PCDHGA5: variants seen among roughly 807,000 people sequenced by gnomAD.
PCDHGA5 encodes the protein protocadherin gamma subfamily A, 5, also known as protocadherin gamma-A5.
PCDHGA5 carries 36 observed loss-of-function variants against 56.7 expected under a neutral mutation model. That is an observed-to-expected ratio of 0.64 (90% CI 0.49 to 0.84). The LOEUF (loss-of-function observed/expected upper bound fraction) is 0.84. PCDHGA5 is among the 40% of genes least tolerant of loss of function. PCDHGA5 has a pLI of 0.00. For missense variants in PCDHGA5, 1,305 were observed against 1,201.5 expected, an observed-to-expected ratio of 1.09 and a Z score of -1.27; for synonymous variants, 563 against 520.2, an observed-to-expected ratio of 1.08 and a Z score of -1.12.
At chr5:141,418,248 C>G (rs372067603) in intron 1 of PCDHGA5, 1 of 1,614,000 alleles carries the variant, frequency 6.2e-7, no homozygotes, top group Admixed American at 1.7e-5. Context: ...AATGACCACG[C>G]CCCTCAATTC....
At chr5:141,394,693 G>A (rs1310404999) in intron 1 of PCDHGA5, 33 of 1,612,890 alleles carry the variant, frequency 2.0e-5, no homozygotes, top group Non-Finnish European at 2.8e-5. Context: ...GGCGAGGTGC[G>A]CACGGCGCGA....
intron 1 of PCDHGA5, chr5:141,389,470 C>T (rs776427212): frequency 1.2e-6 from 2 of 1,613,240 alleles, no homozygotes; most frequent in East Asian, 2.2e-5. Context: ...TTCGAACTCA[C>T]ACTGCAGGCC....
chr5:141,419,794 T>C (rs368369787), intron 1 of PCDHGA5: 54 of 1,613,930 alleles, frequency 3.3e-5, no homozygotes, highest in Non-Finnish European at 4.5e-5. Flanking sequence ...TGCTAGTCGC[T>C]GTAAGAGATG....
At chr5:141,406,002 A>G (rs1348687108) in intron 1 of PCDHGA5, among the ~76,000 whole-genome samples, 1 of 151,598 alleles carries the variant, frequency 6.6e-6, no homozygotes, top group Non-Finnish European at 1.5e-5. Flanking sequence ...CTCAGCCTGC[A>G]TTGATGTGGG....
intron 1 of PCDHGA5, among the ~76,000 whole-genome samples, chr5:141,464,913 A>T (rs1035542028): frequency 1.3e-4 from 19 of 151,426 alleles, no homozygotes; most frequent in Admixed American, 1.2e-3. Context: ...TAATTTTTTT[A>T]TTTTTTTGTA....
rs114918874 is a variant in PCDHGA5 at position 141,487,585 on chromosome 5, C to T, written c.2422-7222C>T. On this transcript the variant is annotated intron_variant, in intron 1 of 3. Transcript: ENST00000518069. This position sits in a 1 kb window ranked among gnomAD's most constrained non-coding sequence, Gnocchi z 5.0. Reference sequence around the variant, plus strand: ...CAGGGGAGCCTGTTCGCCCAAGCTGCCCACCCTCTGATCTTCTCTATGGGC... The same window carrying T: ...CAGGGGAGCCTGTTCGCCCAAGCTGTCCACCCTCTGATCTTCTCTATGGGC... 7,902 of 1,614,160 alleles carry T rather than the reference C, an allele frequency of 4.9e-3. 42 individuals are homozygous for T. The highest frequency in any genetic ancestry group is 8.8e-3 in the Admixed American group (531 of 60,020).
Position 141,489,826 on chromosome 5 carries a change from C to G in PCDHGA5, c.2422-4981C>G. On this transcript the variant is annotated intron_variant, in intron 1 of 3. Transcript: ENST00000518069. This position sits in a 1 kb window ranked among gnomAD's most constrained non-coding sequence, Gnocchi z 4.5. The stretch of plus-strand genomic sequence containing the variant: ...TGGGAAGCCATTCCCAGAGCTGGTG[C>G]TAGAGCAGCAGCTGGATCGTGAAGC... 1 of 1,614,186 alleles carries G rather than the reference C, an allele frequency of 6.2e-7. No homozygotes were observed. The highest frequency in any genetic ancestry group is 8.5e-7 in the Non-Finnish European group (1 of 1,179,988).
rs1254986724 is a variant in PCDHGA5, at chr5:141,490,928, C to G, written c.2422-3879C>G. ...CTAGACGAGAATGATAATGCCCCAGCTGTGCTGCACCCACGGCCAGACTGG... is the reference window on the plus strand; with the variant it reads ...CTAGACGAGAATGATAATGCCCCAGGTGTGCTGCACCCACGGCCAGACTGG... On this transcript the variant is annotated intron_variant, in intron 1 of 3. Transcript: ENST00000518069. The surrounding 1 kb of genome is among the most constrained non-coding windows in gnomAD (Gnocchi z 5.4). 2 of 1,613,466 alleles carry G rather than the reference C, an allele frequency of 1.2e-6. No homozygotes were observed. Among genetic ancestry groups the G allele is most frequent in the Non-Finnish European group, 1.7e-6 (2 of 1,179,624 alleles).
At chr5:141,422,640 C>T in intron 1 of PCDHGA5, 1 of 1,612,590 alleles carries the variant, frequency 6.2e-7, no homozygotes, top group South Asian at 1.1e-5. Flanking sequence ...GGGGTGCCTC[C>T]ATCTTCTCAG....
intron 1 of PCDHGA5, among the ~76,000 whole-genome samples, chr5:141,406,933 T>C (rs1034700573): frequency 6.6e-6 from 1 of 152,218 alleles, no homozygotes; most frequent in African/African-American, 2.4e-5. Flanking sequence ...ATGTATTATT[T>C]AATGTTATTT....
intron 1 of PCDHGA5, chr5:141,407,952 G>A (rs1235192174): frequency 2.7e-5 from 17 of 633,328 alleles, no homozygotes; most frequent in Admixed American, 1.4e-4. Context: ...CTGTCGGCCA[G>A]TGCAGAGCAA....
intron 1 of PCDHGA5, among the ~76,000 whole-genome samples, chr5:141,446,473 G>C (rs558209769): frequency 2.0e-4 from 29 of 148,138 alleles, no homozygotes; most frequent in Non-Finnish European, 1.5e-4. Context: ...TAGACATATG[G>C]TCATCATTCT....
At chr5:141,430,911 A>T (rs544678317) in intron 1 of PCDHGA5, 4 of 1,607,840 alleles carry the variant, frequency 2.5e-6, no homozygotes, top group Non-Finnish European at 3.4e-6. Context: ...ATCTCCAGGG[A>T]CCTGGGGCTG....
chr5:141,465,759 A>G (rs2099108647), intron 1 of PCDHGA5, among the ~76,000 whole-genome samples: 2 of 151,280 alleles, frequency 1.3e-5, no homozygotes, highest in South Asian at 4.2e-4. Context: ...TGGTAAAGTC[A>G]TGTTTCATCT....
intron 1 of PCDHGA5, chr5:141,408,368 C>T: frequency 3.1e-6 from 5 of 1,613,992 alleles, no homozygotes; most frequent in Non-Finnish European, 4.2e-6. Context: ...GGATCTAGGG[C>T]TCAGTGTCCT....
intron 1 of PCDHGA5, chr5:141,427,241 T>C (rs1381559575): frequency 4.4e-6 from 2 of 456,696 alleles, no homozygotes; most frequent in Admixed American, 2.3e-5. Flanking sequence ...GAGTAGAAGC[T>C]AAGGATGGTG....
intron 1 of PCDHGA5, among the ~76,000 whole-genome samples, chr5:141,381,934 A>C (rs1777775116): frequency 7.0e-6 from 1 of 143,002 alleles, no homozygotes; most frequent in Non-Finnish European, 1.5e-5. Flanking sequence ...GGTTCAAGCG[A>C]TTTTCCTGCC....
intron 1 of PCDHGA5, chr5:141,426,599 A>G (rs1171205143): frequency 2.7e-6 from 1 of 377,348 alleles, no homozygotes; most frequent in Non-Finnish European, 5.4e-6. Flanking sequence ...TCATACCCTT[A>G]GAGATTGTAG....
chr5:141,398,313 G>T lies in PCDHGA5; in HGVS notation c.2421+31562G>T, dbSNP rs1270917645. The T allele has an allele frequency of 6.6e-6, 9 of 1,358,982 alleles. No individual in the cohort carries two copies. The South Asian group carries it at 1.1e-4, about 16-fold the overall frequency. 84.2% of individuals were successfully genotyped at this position (1,358,982 alleles called of 1,614,324 possible). A position where few individuals can be genotyped will look rare whatever the true frequency, so the allele number is the denominator to read the frequency against. ...TGGGGTTCAGCGTCCAGGAGTTACC[G>T]ACTCGAAAACTGCGCGTCAGTTCGG... On this transcript the variant is annotated intron_variant, in intron 1 of 3. Transcript: ENST00000518069.
Sources: gnomAD v4.1 joint callset for allele counts (sites outside exome capture counted in the v4.1 genomes callset) on GRCh38, gnomAD v4.1.1 for gene constraint, Gnocchi (gnomAD v3.1) non-coding constraint, MANE v1.5 for transcripts, NCBI Gene and HGNC (gene_info 2026-07-23, HGNC 2026-07-21) for gene names.